The following ANKS1A variants were observed in gnomAD, a reference collection of about 807,000 sequenced individuals.
The protein encoded by ANKS1A is ankyrin repeat and sterile alpha motif domain containing 1A.
ANKS1A carries 55 observed loss-of-function variants against 120.3 expected under a neutral mutation model. The ratio of observed to expected loss-of-function variants is 0.46; its 90% CI spans 0.37 to 0.57. ANKS1A has a LOEUF of 0.57. Ranked by LOEUF, ANKS1A falls within the 20% of genes least tolerant of loss-of-function variation. The probability of loss-of-function intolerance (pLI) is 0.00; values close to 1 mark genes in which losing one functional copy is unlikely to be tolerated. For missense variants in ANKS1A, 1,123 were observed against 1,480.3 expected, an observed-to-expected ratio of 0.76 and a Z score of 3.96; for synonymous variants, 590 against 604.7, an observed-to-expected ratio of 0.98 and a Z score of 0.36.
At chr6:34,929,905 A>G (rs1768902799) in intron 1 of ANKS1A, among the ~76,000 whole-genome samples, 2 of 142,894 alleles carry the variant, frequency 1.4e-5, no homozygotes, top group Admixed American at 7.2e-5. Flanking sequence ...GTTGCTTCCT[A>G]TCCTTCATTG....
rs139674383 is a variant in ANKS1A at position 35,017,848 on chromosome 6, G to A, written c.1799G>A (p.Arg600Gln). The stretch of plus-strand genomic sequence containing the variant: ...CCTGGTGGTGCTGAGGAAGGAGACC[G>A]GAGTGGGGCCAGGAGCCGAGCGCCT... Reference protein sequence around the residue: ...PHPGGAEEGDRSGARSRAPPT... With the variant: ...PHPGGAEEGDQSGARSRAPPT... Residue 600 changes from arginine to glutamine, a missense_variant, in exon 11 of 24, where the codon CGG becomes CAG. Physicochemically the swap from Arg to Gln is conservative, Grantham distance 43. This residue lies in a region of ANKS1A where 904 missense variants were observed against 1,130.4 expected (regional missense o/e 0.80). Coordinates refer to ENST00000360359, the MANE Select transcript of ANKS1A (RefSeq NM_015245.3). 1.2e-5 allele frequency: 19 copies of A among 1,614,082 alleles called. No homozygotes were observed. Among genetic ancestry groups the A allele is most frequent in the South Asian group, 4.4e-5 (4 of 91,090 alleles).
intron 6 of ANKS1A, 30 bp downstream of exon 6, chr6:34,983,244 C>G: frequency 2.5e-6 from 4 of 1,612,028 alleles, no homozygotes; most frequent in Non-Finnish European, 3.4e-6. Flanking sequence ...TCTGGGTGAC[C>G]AGGGGACACA....
chr6:34,983,287 G>A (rs746378415), intron 6 of ANKS1A, 37 bp from the exon 7 acceptor site: 11 of 1,611,412 alleles, frequency 6.8e-6, no homozygotes, highest in Non-Finnish European at 9.3e-6. Context: ...ATTTGGTGCA[G>A]CACTTTTTAT....
chr6:35,087,879 C>T (rs1778078945), intron 23 of ANKS1A, among the ~76,000 whole-genome samples: 1 of 152,240 alleles, frequency 6.6e-6, no homozygotes, highest in African/African-American at 2.4e-5. Context: ...GACAGCCCCT[C>T]TATCTTCGCC....
intron 3 of ANKS1A, among the ~76,000 whole-genome samples, chr6:34,981,273 A>G (rs1483655639): frequency 6.6e-6 from 1 of 152,266 alleles, no homozygotes; most frequent in Non-Finnish European, 1.5e-5. Context: ...TGACAAATCC[A>G]GAATCAGAAC....
intron 11 of ANKS1A, among the ~76,000 whole-genome samples, chr6:35,040,729 G>A (rs954813167): frequency 5.9e-5 from 9 of 152,184 alleles, no homozygotes; most frequent in Admixed American, 2.6e-4. Context: ...CAGAATTTTC[G>A]AAGATGAGAT....
chr6:35,086,928 C>CT lies in ANKS1A; in HGVS notation c.3304-22dup. ...CCCTGGCACAGAGCTCCCTCTGACTCTTGACTGCTTCCTTGTTTGGCAGCT... is the reference window on the plus strand; with the variant it reads ...CCCTGGCACAGAGCTCCCTCTGACTCTTTGACTGCTTCCTTGTTTGGCAGCT... On this transcript the variant is annotated intron_variant, in intron 22 of 23. Transcript: ENST00000360359. This position sits in a 1 kb window ranked among gnomAD's most constrained non-coding sequence, Gnocchi z 5.1. The CT allele has an allele frequency of 2.5e-6, 4 of 1,612,828 alleles. No homozygotes were observed. Among genetic ancestry groups the CT allele is most frequent in the Non-Finnish European group, 2.5e-6 (3 of 1,178,854 alleles).
At chr6:34,993,803 C>T (rs1023959403) in intron 9 of ANKS1A, among the ~76,000 whole-genome samples, 2 of 152,170 alleles carry the variant, frequency 1.3e-5, no homozygotes, top group African/African-American at 4.8e-5. Flanking sequence ...AGAAAGAGGT[C>T]TGCCTTCACG....
intron 1 of ANKS1A, among the ~76,000 whole-genome samples, chr6:34,944,482 G>T (rs1047493346): frequency 6.6e-6 from 1 of 152,114 alleles, no homozygotes; most frequent in Non-Finnish European, 1.5e-5. Flanking sequence ...CTTTTCATAT[G>T]CTTATTTGCC....
intron 10 of ANKS1A, among the ~76,000 whole-genome samples, chr6:35,012,898 T>TG (rs1203842187): frequency 2.6e-5 from 4 of 152,088 alleles, no homozygotes; most frequent in Admixed American, 6.5e-5. Flanking sequence ...GGGCAGACTG[T>TG]GGGGAGGGCA....
chr6:35,002,471 G>T (rs1230964356), intron 10 of ANKS1A, among the ~76,000 whole-genome samples: 1 of 152,186 alleles, frequency 6.6e-6, no homozygotes, highest in African/African-American at 2.4e-5. Context: ...TCAGACGAAG[G>T]ACTGTTCCCA....
At chr6:35,080,947 C>T (rs1325209206) in intron 16 of ANKS1A, 47 bp from the exon 17 acceptor site, 2 of 1,589,676 alleles carry the variant, frequency 1.3e-6, no homozygotes, top group Non-Finnish European at 1.7e-6. Flanking sequence ...TGTAGTCGGG[C>T]ACTGGGCCGA....
chr6:34,934,707 T>C (rs963620065), intron 1 of ANKS1A, among the ~76,000 whole-genome samples: 1 of 152,240 alleles, frequency 6.6e-6, no homozygotes, highest in Non-Finnish European at 1.5e-5. Flanking sequence ...ACAAGTTGGC[T>C]CTGACCCAGC....
intron 1 of ANKS1A, among the ~76,000 whole-genome samples, chr6:34,951,288 A>ATTATAT (rs1274183800): frequency 1.3e-5 from 2 of 151,830 alleles, no homozygotes; most frequent in African/African-American, 4.8e-5. Flanking sequence ...TATATTATAA[A>ATTATAT]TTATATTTAT....
chr6:35,095,726 A>G (rs1778451420), downstream of ANKS1A, among the ~76,000 whole-genome samples: 1 of 151,904 alleles, frequency 6.6e-6, no homozygotes, highest in Non-Finnish European at 1.5e-5. Context: ...ACAAAAGACC[A>G]CAACCTTTTG....
chr6:34,908,910 T>C (rs781566321), intron 1 of ANKS1A, among the ~76,000 whole-genome samples: 6 of 152,180 alleles, frequency 3.9e-5, no homozygotes, highest in Non-Finnish European at 8.8e-5. Flanking sequence ...AGAAAAATTA[T>C]TGTACCACTA....
At chr6:35,021,288 G>C (rs1338199687) in intron 11 of ANKS1A, among the ~76,000 whole-genome samples, 1 of 152,166 alleles carries the variant, frequency 6.6e-6, no homozygotes, top group Non-Finnish European at 1.5e-5. Context: ...TGAAGGCTCT[G>C]AAGGTGCTTG....
chr6:35,027,132 A>G (rs1774668505), intron 11 of ANKS1A, among the ~76,000 whole-genome samples: 2 of 152,224 alleles, frequency 1.3e-5, no homozygotes, highest in African/African-American at 4.8e-5. Context: ...ATTCAAAATT[A>G]CTAAGACCAG....
At position 34,976,997 on chromosome 6, in the gene ANKS1A, A is replaced by G. The variant is rs79747745; in HGVS notation, c.436-4693A>G. On this transcript the variant is annotated intron_variant, in intron 3 of 23. Coordinates refer to ENST00000360359, the MANE Select transcript of ANKS1A (RefSeq NM_015245.3). Reference sequence around the variant, plus strand: ...AATATTGATACAATACCATTATCTAATATAGAATCCATGTTCAAGTTTTAC... The same window carrying G: ...AATATTGATACAATACCATTATCTAGTATAGAATCCATGTTCAAGTTTTAC... Among the ~76,000 whole-genome samples, 237 of 152,316 alleles carry G rather than the reference A, an allele frequency of 1.6e-3. 2 individuals are homozygous for G. Among genetic ancestry groups the G allele is most frequent in the South Asian group, 4.3e-3 (21 of 4,832 alleles).
Sources: gnomAD v4.1 joint callset for allele counts (sites outside exome capture counted in the v4.1 genomes callset) on GRCh38, gnomAD v4.1.1 for gene constraint, gnomAD v4.1.1 regional missense constraint, Gnocchi (gnomAD v3.1) non-coding constraint, MANE v1.5 for transcripts, NCBI Gene and HGNC (gene_info 2026-07-23, HGNC 2026-07-21) for gene names.